Variants in SLC16A12 observed in about 807,000 individuals in gnomAD.
SLC16A12 encodes monocarboxylate transporter 12.
A neutral mutation model predicts 42.4 loss-of-function variants in SLC16A12; 17 were observed. The observed-to-expected ratio is 0.40, with a 90% CI of 0.27 to 0.60. The LOEUF (loss-of-function observed/expected upper bound fraction) is 0.60, where lower values mean the gene tolerates loss of function less well. Ranked by LOEUF, SLC16A12 falls within the 20% of genes least tolerant of loss-of-function variation. The pLI, the probability that SLC16A12 is intolerant of heterozygous loss-of-function variation, is 0.42. For missense variants in SLC16A12, 544 were observed against 623.0 expected (o/e 0.87, Z 1.35); for synonymous variants, 224 against 229.4 (o/e 0.98, Z 0.21).
chr10:89,551,697 G>C (rs1843772126), intron 2 of SLC16A12, among the ~76,000 whole-genome samples: 1 of 152,092 alleles, frequency 6.6e-6, no homozygotes, highest in South Asian at 2.1e-4. Context: ...GAGATCTGAT[G>C]GTTTTATCAG....
At chr10:89,475,167 C>G (rs962167779) in intron 2 of SLC16A12, among the ~76,000 whole-genome samples, 1 of 152,192 alleles carries the variant, frequency 6.6e-6, no homozygotes, top group African/African-American at 2.4e-5. Flanking sequence ...CAGTTAACAT[C>G]CTGGCCTATG....
At chr10:89,486,651 GAAAGAAAGAAAGA>G (rs1175712927) in intron 2 of SLC16A12, among the ~76,000 whole-genome samples, 84 of 47,904 alleles carry the variant, frequency 1.8e-3, no homozygotes, top group East Asian at 0.014. Context: ...AAGAAAGAAA[GAAAGAAAGAAAGA>G]AAAGAAAGAA....
At chr10:89,452,424 A>G (rs2133718421) in intron 3 of SLC16A12, among the ~76,000 whole-genome samples, 1 of 152,342 alleles carries the variant, frequency 6.6e-6, no homozygotes, top group East Asian at 1.9e-4. Context: ...TGTGTGGTCA[A>G]TTCATTCTAA....
chr10:89,437,156 A>C (rs1375782678), intron 6 of SLC16A12, among the ~76,000 whole-genome samples: 1 of 152,222 alleles, frequency 6.6e-6, no homozygotes, highest in Non-Finnish European at 1.5e-5. Context: ...GTGGTTACAC[A>C]AAGGGGAAAC....
intron 7 of SLC16A12, 137 bp downstream of exon 7, chr10:89,435,923 G>C (rs752447752): frequency 1.6e-6 from 2 of 1,235,766 alleles, no homozygotes; most frequent in Non-Finnish European, 2.3e-6. Flanking sequence ...GGTTTTGGGG[G>C]CTCTTATATC....
At chr10:89,496,188 A>G (rs1174674135) in intron 2 of SLC16A12, among the ~76,000 whole-genome samples, 3 of 152,178 alleles carry the variant, frequency 2.0e-5, no homozygotes, top group Non-Finnish European at 4.4e-5. Context: ...CAGGGCATGA[A>G]AGAACATACA....
At chr10:89,534,684 C>G (rs909981399) in intron 1 of SLC16A12, 44 bp from the exon 2 acceptor site, 13 of 136,094 alleles carry the variant, frequency 9.6e-5, no homozygotes, top group African/African-American at 3.9e-4. Context: ...CAAAAATTAG[C>G]CGGGCGTGGT....
At chr10:89,465,093 G>A (rs1173798952) in intron 2 of SLC16A12, among the ~76,000 whole-genome samples, 1 of 152,166 alleles carries the variant, frequency 6.6e-6, no homozygotes, top group Non-Finnish European at 1.5e-5. Flanking sequence ...CAGTGATATA[G>A]AGCTGCTATT....
chr10:89,531,818 T>C (rs1843560572), intron 2 of SLC16A12, among the ~76,000 whole-genome samples: 1 of 152,230 alleles, frequency 6.6e-6, no homozygotes, highest in South Asian at 2.1e-4. Context: ...TGCTTTACCA[T>C]CTTTCAAGAA....
chr10:89,443,751 C>A lies in SLC16A12; in HGVS notation c.304+5G>T. On this transcript the variant is annotated splice_donor_5th_base_variant and intron_variant, in intron 4 of 7. Transcript: ENST00000371790. ...TAATTCCCTATCCTAGTAAGTAATA[C>A]TCACCACAGAGCATGGTCACACAAT... 1.2e-6 allele frequency: 2 copies of A among 1,601,996 alleles called. No individual in the cohort carries two copies. Among genetic ancestry groups the A allele is most frequent in the Non-Finnish European group, 1.7e-6 (2 of 1,168,986 alleles).
In SLC16A12 at chr10:89,516,723, A is replaced by C. The variant is rs60233299; in HGVS notation, c.-47+17778T>G. 4.5e-3 allele frequency among the ~76,000 whole-genome samples: 680 copies of C among 152,316 alleles called. 8 individuals carry two copies. The highest frequency in any genetic ancestry group is 0.015 in the African/African-American group (644 of 41,572). On this transcript the variant is annotated intron_variant, in intron 2 of 7. Coordinates refer to ENST00000371790, the MANE Select transcript of SLC16A12 (RefSeq NM_213606.4). ...TGATGTCACCTGGAAGATTGTAAGC[A>C]TTCAATAGCTTCCTTATTTTCAGTT...
At chr10:89,451,250 G>C (rs927662635) in intron 3 of SLC16A12, among the ~76,000 whole-genome samples, 9 of 152,202 alleles carry the variant, frequency 5.9e-5, no homozygotes, top group African/African-American at 2.2e-4. Context: ...TGCTGGGTGT[G>C]AAAGTAGGTG....
chr10:89,489,389 G>C (rs1005933951), intron 2 of SLC16A12, among the ~76,000 whole-genome samples: 6 of 151,820 alleles, frequency 4.0e-5, no homozygotes, highest in Non-Finnish European at 8.8e-5. Flanking sequence ...ACCCAGGCTG[G>C]AGTGCAATGG....
Position 89,506,177 on chromosome 10 carries a change from A to G in SLC16A12, c.-47+28324T>C, listed in dbSNP as rs181113533. Among the ~76,000 whole-genome samples the G allele has an allele frequency of 1.8e-4, 28 of 152,318 alleles. No individual in the cohort carries two copies. In the East Asian group the frequency reaches 4.8e-3, roughly 26 times the overall value. ...GCAGACTTAAACGTCCCTGCCTGAC[A>G]GCTCTGAAGAGAGCAGTAGTTCTCC... On this transcript the variant is annotated intron_variant, in intron 2 of 7. Coordinates refer to ENST00000371790, the MANE Select transcript of SLC16A12 (RefSeq NM_213606.4).
chr10:89,547,242 A>G (rs796348133), intron 2 of SLC16A12, among the ~76,000 whole-genome samples: 1 of 152,252 alleles, frequency 6.6e-6, no homozygotes, highest in South Asian at 2.1e-4. Flanking sequence ...TTTTGCAAAC[A>G]CATTATCAGA....
At chr10:89,493,346 C>A (rs2133810016) in intron 2 of SLC16A12, among the ~76,000 whole-genome samples, 1 of 152,158 alleles carries the variant, frequency 6.6e-6, no homozygotes, top group Admixed American at 6.5e-5. Flanking sequence ...CCTCTGCCTC[C>A]CAAGTAGCTG....
chr10:89,513,129 A>G (rs1174886844), intron 2 of SLC16A12, among the ~76,000 whole-genome samples: 1 of 152,186 alleles, frequency 6.6e-6, no homozygotes, highest in Non-Finnish European at 1.5e-5. Context: ...ACCCTTAATA[A>G]TGGTTAAAAT....
At chr10:89,444,660 G>A (rs1276763269) in intron 3 of SLC16A12, among the ~76,000 whole-genome samples, 2 of 152,216 alleles carry the variant, frequency 1.3e-5, no homozygotes, top group African/African-American at 2.4e-5. Flanking sequence ...AATAGGAACA[G>A]CTCTGGTCTG....
intron 3 of SLC16A12, among the ~76,000 whole-genome samples, chr10:89,457,118 T>A (rs113915749): frequency 6.6e-6 from 1 of 152,052 alleles, no homozygotes; most frequent in South Asian, 2.1e-4. Flanking sequence ...TATGCAAAAA[T>A]TGACAAATAG....
Sources: allele counts gnomAD v4.1 joint callset (sites outside exome capture counted in the v4.1 genomes callset), GRCh38; gene constraint gnomAD v4.1.1; transcripts MANE v1.5; gene names NCBI Gene and HGNC (gene_info 2026-07-23, HGNC 2026-07-21).